NRG1: variants seen among roughly 807,000 people sequenced by gnomAD.
The protein encoded by NRG1 is neuregulin 1, also known as pro-neuregulin-1, membrane-bound isoform.
Under a neutral mutation model 63.8 loss-of-function variants are expected in NRG1, and 18 were observed. The observed-to-expected ratio is 0.28, with a 90% CI of 0.19 to 0.42. The LOEUF is 0.42. Among genes scored for constraint, NRG1 ranks in the 10% least tolerant of loss-of-function variants. NRG1 has a pLI of 1.00. For synonymous variants in NRG1, 302 were observed against 301.3 expected (o/e 1.00, Z -0.02); for missense variants, 762 against 814.7 (o/e 0.94, Z 0.79).
intron 1 of NRG1, among the ~76,000 whole-genome samples, chr8:32,498,861 G>A (rs541793680): frequency 6.6e-6 from 1 of 152,330 alleles, no homozygotes; most frequent in South Asian, 2.1e-4. Context: ...GAAAGACAGA[G>A]AACTGTTCCT....
At chr8:31,865,593 A>G (rs1448446907) in intron 1 of NRG1, among the ~76,000 whole-genome samples, 1 of 152,040 alleles carries the variant, frequency 6.6e-6, no homozygotes, top group Non-Finnish European at 1.5e-5. Context: ...TTATCATGAC[A>G]TCTGATGGTT....
At chr8:32,186,778 A>G (rs2132152046) in intron 1 of NRG1, among the ~76,000 whole-genome samples, 1 of 152,322 alleles carries the variant, frequency 6.6e-6, no homozygotes, top group Non-Finnish European at 1.5e-5. Context: ...GAAGTCTGCT[A>G]TGATCATCTT....
At chr8:32,648,215 T>G in intron 5 of NRG1, 2 of 1,614,106 alleles carry the variant, frequency 1.2e-6, no homozygotes, top group Non-Finnish European at 1.7e-6. Flanking sequence ...TTGTCTCCTT[T>G]GAACCATCAG....
chr8:32,635,380 G>A (rs78452836), intron 5 of NRG1, among the ~76,000 whole-genome samples: 5,268 of 152,256 alleles, frequency 0.035, 117 homozygotes, highest in Middle Eastern at 0.078. Context: ...GAAATCTACT[G>A]CTTTTGAAAA....
At chr8:32,384,896 A>G (rs974360566) in intron 1 of NRG1, among the ~76,000 whole-genome samples, 6 of 152,346 alleles carry the variant, frequency 3.9e-5, no homozygotes, top group African/African-American at 1.4e-4. Context: ...AACAATAGCA[A>G]TTCTATTCTC....
At chr8:32,615,587 G>A (rs1847206607) in intron 4 of NRG1, among the ~76,000 whole-genome samples, 1 of 151,984 alleles carries the variant, frequency 6.6e-6, no homozygotes, top group Non-Finnish European at 1.5e-5. Flanking sequence ...GCTTCATTGA[G>A]TTTTTCATTA....
intron 5 of NRG1, chr8:32,648,139 C>T (rs1854079067): frequency 6.2e-7 from 1 of 1,614,088 alleles, no homozygotes. Context: ...GAGGCATACA[C>T]TTCACCTGTC....
At chr8:32,249,818 C>G (rs1055483504) in intron 1 of NRG1, among the ~76,000 whole-genome samples, 1 of 152,018 alleles carries the variant, frequency 6.6e-6, no homozygotes, top group East Asian at 1.9e-4. Flanking sequence ...ACAGGATGCA[C>G]TAGGTCATTA....
intron 1 of NRG1, among the ~76,000 whole-genome samples, chr8:31,771,283 G>A (rs781685827): frequency 6.6e-6 from 1 of 152,080 alleles, no homozygotes; most frequent in South Asian, 2.1e-4. Context: ...CCCATTCAGC[G>A]TAACACCTGA....
intron 1 of NRG1, among the ~76,000 whole-genome samples, chr8:32,157,083 TG>T (rs2131872036): frequency 6.6e-6 from 1 of 150,792 alleles, no homozygotes; most frequent in Admixed American, 6.6e-5. Context: ...TGTGTGTGTG[TG>T]TGTGTGTAAG....
At chr8:31,875,699 A>G (rs1829861507) in intron 1 of NRG1, among the ~76,000 whole-genome samples, 1 of 152,044 alleles carries the variant, frequency 6.6e-6, no homozygotes, top group African/African-American at 2.4e-5. Context: ...CTGGATTGTG[A>G]TTGTGTGAGA....
intron 1 of NRG1, among the ~76,000 whole-genome samples, chr8:32,113,889 A>G (rs1832365009): frequency 6.6e-6 from 1 of 152,208 alleles, no homozygotes; most frequent in Non-Finnish European, 1.5e-5. Context: ...AAAATGTATT[A>G]CTTTCTAGCA....
At chr8:32,769,134 C>T (rs1021209350), downstream of NRG1, among the ~76,000 whole-genome samples, 1 of 152,150 alleles carries the variant, frequency 6.6e-6, no homozygotes, top group Admixed American at 6.6e-5. Flanking sequence ...AGCCAACCAG[C>T]CATGCAGAGA....
At chr8:32,566,029 A>G (rs1193541863) in intron 1 of NRG1, among the ~76,000 whole-genome samples, 1 of 152,120 alleles carries the variant, frequency 6.6e-6, no homozygotes, top group Non-Finnish European at 1.5e-5. Flanking sequence ...CGGTAGACTC[A>G]GCTTTTCCCT....
chr8:31,995,671 T>C (rs912367114), intron 1 of NRG1, among the ~76,000 whole-genome samples: 1 of 151,952 alleles, frequency 6.6e-6, no homozygotes, highest in Non-Finnish European at 1.5e-5. Context: ...CCTATTTCCA[T>C]GTCTTGTTTC....
intron 1 of NRG1, among the ~76,000 whole-genome samples, chr8:31,919,993 C>T (rs906844438): frequency 7.9e-5 from 12 of 152,122 alleles, no homozygotes; most frequent in Admixed American, 2.6e-4. Flanking sequence ...TGTCTTATGG[C>T]CTCTGTTAGA....
chr8:32,191,524 T>C (rs1054659375), intron 1 of NRG1, among the ~76,000 whole-genome samples: 1 of 152,232 alleles, frequency 6.6e-6, no homozygotes, highest in African/African-American at 2.4e-5. Flanking sequence ...AACATCATCA[T>C]AGGCATATGT....
chr8:32,402,905 AG>A (rs1813409024), intron 1 of NRG1, among the ~76,000 whole-genome samples: 1 of 152,146 alleles, frequency 6.6e-6, no homozygotes, highest in Non-Finnish European at 1.5e-5. Flanking sequence ...CCTGAGGATA[AG>A]GGGGGATTAC....
At chr8:31,754,817 T>A (rs1816809139) in intron 1 of NRG1, among the ~76,000 whole-genome samples, 1 of 152,080 alleles carries the variant, frequency 6.6e-6, no homozygotes, top group South Asian at 2.1e-4. Context: ...AATGTTATAG[T>A]TACAAAAAGT....
Sources: gnomAD v4.1 joint callset for allele counts (sites outside exome capture counted in the v4.1 genomes callset) on GRCh38, gnomAD v4.1.1 for gene constraint, MANE v1.5 for transcripts, NCBI Gene and HGNC (gene_info 2026-07-23, HGNC 2026-07-21) for gene names.